The following DLEC1 variants were observed in gnomAD, a reference collection of about 807,000 sequenced individuals.
DLEC1 encodes deleted in lung and esophageal cancer protein 1.
A neutral mutation model predicts 198.1 loss-of-function variants in DLEC1; 146 were observed. The observed-to-expected ratio is 0.74, with a 90% CI of 0.64 to 0.85. DLEC1 has a LOEUF of 0.85. DLEC1 is among the 40% of genes least tolerant of loss of function. DLEC1 has a pLI of 0.00. For missense variants in DLEC1, 2,233 were observed against 2,220.0 expected (o/e 1.01, Z -0.12); for synonymous variants, 897 against 866.8 (o/e 1.03, Z -0.61).
chr3:38,097,215 C>A lies in DLEC1; in HGVS notation c.2374C>A (p.Leu792Met). The change falls in exon 16 of 37, where the codon CTG becomes ATG. Residue 792 changes from leucine (L) to methionine (M), a missense_variant. By Grantham distance (15) the Leu-to-Met change is conservative. Transcript: ENST00000308059. The part of the protein sequence containing the change: ...WNNSKSPIRY[L>M]WGKISDCHII... The stretch of plus-strand genomic sequence containing the variant: ...CAACAGCAAGTCACCCATCAGATAC[C>A]TGTGGGGGAAGATCAGCGACTGCCA... 6.3e-7 allele frequency: 1 copy of A among 1,585,948 alleles called. No homozygotes were observed. The highest frequency in any genetic ancestry group is 1.1e-5 in the South Asian group (1 of 87,164).
intron 8 of DLEC1, 69 bp downstream of exon 8, chr3:38,085,516 T>TC: frequency 6.4e-7 from 1 of 1,569,036 alleles, no homozygotes; most frequent in Non-Finnish European, 8.7e-7. Flanking sequence ...ACTGCCTGCC[T>TC]CTCAGGTTCC....
intron 33 of DLEC1, among the ~76,000 whole-genome samples, chr3:38,120,228 A>G (rs1008066181): frequency 1.3e-5 from 2 of 152,006 alleles, no homozygotes; most frequent in African/African-American, 4.8e-5. Flanking sequence ...CTAGCCTCTG[A>G]CCTCTGAGGG....
At position 38,093,679 on chromosome 3, in the gene DLEC1, A is replaced by G. The variant is rs1559439884; in HGVS notation, c.1831A>G (p.Thr611Ala). 2.5e-6 allele frequency: 4 copies of G among 1,614,236 alleles called. No individual in the cohort carries two copies. Among genetic ancestry groups the G allele is most frequent in the Admixed American group, 3.3e-5 (2 of 60,028 alleles). Reference sequence around the variant, plus strand: ...AAGCCAGCCAGACCCTGGAGAGCTCACAGACTTAACAGCCCAGCACTTCAT... The same window carrying G: ...AAGCCAGCCAGACCCTGGAGAGCTCGCAGACTTAACAGCCCAGCACTTCAT... ...EKSQPDPGEL[T>A]DLTAQHFIRF... is the part of the protein sequence containing the mutation. The change falls in exon 12 of 37, where the codon ACA becomes GCA. Residue 611 changes from threonine (T) to alanine (A), a missense_variant. By Grantham distance (58) the Thr-to-Ala change is moderately conservative. Transcript: ENST00000308059.
rs536644848 is a variant in DLEC1 at position 38,109,551 on chromosome 3, C to G, written c.3249C>G (p.Ser1083Arg). ...LQVAITISKESSDCSTEQWPG... is the reference protein window; with the variant it reads ...LQVAITISKERSDCSTEQWPG... The stretch of plus-strand genomic sequence containing the variant: ...TGGCCATTACCATCTCTAAGGAGAG[C>G]TCTGATTGCAGGTGAGCCCAGGGTT... The change falls in exon 22 of 37, where the codon AGC (serine) becomes AGG (arginine). Residue 1083 changes from serine (S) to arginine (R), a missense_variant. By Grantham distance (110) the Ser-to-Arg change is moderately radical. Coordinates refer to ENST00000308059, the MANE Select transcript of DLEC1 (RefSeq NM_007335.4). 3.0e-5 allele frequency: 48 copies of G among 1,614,210 alleles called. No individual in the cohort carries two copies. The South Asian group carries it at 4.8e-4, about 16-fold the overall frequency.
intron 29 of DLEC1, 25 bp from the exon 30 acceptor site, chr3:38,116,950 G>T: frequency 1.2e-6 from 2 of 1,613,434 alleles, no homozygotes; most frequent in Non-Finnish European, 8.5e-7. Context: ...ATGGGACAGT[G>T]CTAAGGCTGC....
intron 3 of DLEC1, 58 bp from the exon 4 acceptor site, chr3:38,062,111 G>T: frequency 1.3e-6 from 2 of 1,584,528 alleles, no homozygotes; most frequent in South Asian, 1.1e-5. Flanking sequence ...GGTCATCTTA[G>T]GAATGCCCAC....
At position 38,108,582 on chromosome 3, in the gene DLEC1, A is replaced by C. The variant is rs1467244788; in HGVS notation, c.3129+67A>C. The C allele has an allele frequency of 3.1e-6, 4 of 1,294,640 alleles. No homozygotes were observed. The East Asian group carries it at 7.1e-5, about 23-fold the overall frequency. 80.2% of individuals were successfully genotyped at this position (1,294,640 alleles called of 1,614,324 possible). ...CCTGCCAACCATACGCACCTGTGCC[A>C]CCAGGGAGGCCCTAGCTTAGGCCAC... On this transcript the variant is annotated intron_variant, in intron 21 of 36. Coordinates refer to ENST00000308059, the MANE Select transcript of DLEC1 (RefSeq NM_007335.4).
chr3:38,081,842 GC>G (rs1559426272), intron 6 of DLEC1, among the ~76,000 whole-genome samples: 2 of 136,060 alleles, frequency 1.5e-5, no homozygotes, highest in African/African-American at 5.4e-5. Context: ...CAGGCGGGGG[GC>G]TGACCCCCCC....
chr3:38,095,328 C>T, intron 13 of DLEC1: 1 of 519,816 alleles, frequency 1.9e-6, no homozygotes, highest in African/African-American at 1.9e-5. Flanking sequence ...CTGGGTGTCT[C>T]CCACATGTCT....
intron 35 of DLEC1, 69 bp from the exon 36 acceptor site, chr3:38,122,002 G>A (rs1396473694): frequency 2.5e-6 from 4 of 1,591,226 alleles, no homozygotes; most frequent in Non-Finnish European, 3.4e-6. Flanking sequence ...CCCGGGGGTG[G>A]GTAAAGTCTT....
In DLEC1 at chr3:38,114,341, G is replaced by C. The variant is rs761723725; in HGVS notation, c.3667-1G>C. 1 of 1,614,108 alleles carries C rather than the reference G, an allele frequency of 6.2e-7. No individual in the cohort carries two copies. Among genetic ancestry groups the C allele is most frequent in the South Asian group, 1.1e-5 (1 of 91,082 alleles). ...GACAAAGGGCTGGGGTGTGTTTGCAGGTGGGAGACCTGCTGCCGGAAGTCA... is the reference window on the plus strand; with the variant it reads ...GACAAAGGGCTGGGGTGTGTTTGCACGTGGGAGACCTGCTGCCGGAAGTCA... On this transcript the variant is annotated splice_acceptor_variant, in intron 25 of 36. Transcript: ENST00000308059. LOFTEE classifies it high-confidence loss of function.
chr3:38,093,547 T>G, intron 11 of DLEC1, 58 bp from the exon 12 acceptor site: 1 of 1,605,790 alleles, frequency 6.2e-7, no homozygotes, highest in Non-Finnish European at 8.5e-7. Context: ...TGCAGCAGCC[T>G]TGGCCTGATT....
intron 6 of DLEC1, among the ~76,000 whole-genome samples, chr3:38,075,578 G>A (rs1001995476): frequency 5.3e-5 from 8 of 152,002 alleles, no homozygotes. Context: ...GGGGTTCGGG[G>A]GTTCTTACCC....
At chr3:38,051,663 C>G (rs1701125351) in intron 2 of DLEC1, 4 of 222,764 alleles carry the variant, frequency 1.8e-5, no homozygotes, top group Admixed American at 1.7e-4. Flanking sequence ...AGAATAAAAG[C>G]CGCCCTCATT....
intron 6 of DLEC1, among the ~76,000 whole-genome samples, chr3:38,068,589 C>G (rs1271631047): frequency 6.6e-6 from 1 of 152,188 alleles, no homozygotes; most frequent in African/African-American, 2.4e-5. Context: ...TAAAACTGCT[C>G]TAGGAGTTAT....
At chr3:38,119,982 G>T (rs1012897659) in intron 33 of DLEC1, among the ~76,000 whole-genome samples, 5 of 152,184 alleles carry the variant, frequency 3.3e-5, no homozygotes, top group Non-Finnish European at 7.3e-5. Flanking sequence ...GACCTGTGCT[G>T]GGAGCCAGGA....
At chr3:38,050,134 T>C (rs1411087410) in intron 2 of DLEC1, among the ~76,000 whole-genome samples, 1 of 151,772 alleles carries the variant, frequency 6.6e-6, no homozygotes, top group Non-Finnish European at 1.5e-5. Context: ...AGTGGTGCAA[T>C]CTTAGCTCAC....
Position 38,100,266 on chromosome 3 carries a change from C to T in DLEC1, c.2725-20C>T, listed in dbSNP as rs1400035198. The T allele has an allele frequency of 1.3e-6, 2 of 1,599,006 alleles. No individual in the cohort carries two copies. The highest frequency in any genetic ancestry group is 1.7e-6 in the Non-Finnish European group (2 of 1,173,646). ...CCAAGTGTCCTCAGTGCTCATCCTC[C>T]TGAGTGTTCTCCGGGGCAGGTGTCT... On this transcript the variant is annotated intron_variant, in intron 18 of 36. Coordinates refer to ENST00000308059, the MANE Select transcript of DLEC1 (RefSeq NM_007335.4).
intron 33 of DLEC1, 44 bp downstream of exon 33, chr3:38,118,068 C>A: frequency 1.9e-6 from 3 of 1,548,552 alleles, no homozygotes; most frequent in Non-Finnish European, 2.6e-6. Flanking sequence ...GGCACACCCT[C>A]ACATGTGTAC....
Sources: allele counts gnomAD v4.1 joint callset (sites outside exome capture counted in the v4.1 genomes callset), GRCh38; gene constraint gnomAD v4.1.1; transcripts MANE v1.5; gene names NCBI Gene and HGNC (gene_info 2026-07-23, HGNC 2026-07-21).